Variants in ATP2B2 observed in about 807,000 individuals in gnomAD.
ATP2B2 encodes the protein ATPase plasma membrane Ca2+ transporting 2.
A neutral mutation model predicts 120.0 loss-of-function variants in ATP2B2; 15 were observed. The ratio of observed to expected loss-of-function variants is 0.12; its 90% confidence interval spans 0.08 to 0.19. The LOEUF (loss-of-function observed/expected upper bound fraction) is 0.19, where lower values mean the gene tolerates loss of function less well. Among genes scored for constraint, ATP2B2 ranks in the 10% least tolerant of loss-of-function variants. ATP2B2 has a pLI of 1.00. For missense variants in ATP2B2, 1,045 were observed against 1,719.8 expected (o/e 0.61, Z 6.94); for synonymous variants, 694 against 700.3 (o/e 0.99, Z 0.14).
At chr3:10,571,781 C>G (rs572007956) in intron 2 of ATP2B2, among the ~76,000 whole-genome samples, 1 of 152,342 alleles carries the variant, frequency 6.6e-6, no homozygotes, top group South Asian at 2.1e-4. Context: ...TCCCACTCAG[C>G]ACCCAGCAGT....
At chr3:10,410,035 C>G (rs532630909) in intron 3 of ATP2B2, among the ~76,000 whole-genome samples, 2 of 152,192 alleles carry the variant, frequency 1.3e-5, no homozygotes, top group Non-Finnish European at 2.9e-5. Context: ...TAGGATGGGG[C>G]CTGACAACGA....
chr3:10,568,787 G>A (rs912375415), intron 2 of ATP2B2, among the ~76,000 whole-genome samples: 23 of 152,128 alleles, frequency 1.5e-4, no homozygotes, highest in Non-Finnish European at 3.2e-4. Flanking sequence ...CTTTCTGTTT[G>A]CCTGGTTTCC....
intron 3 of ATP2B2, among the ~76,000 whole-genome samples, chr3:10,406,448 ATAT>A (rs1276351419): frequency 6.6e-6 from 1 of 152,216 alleles, no homozygotes; most frequent in African/African-American, 2.4e-5. Flanking sequence ...TGGTCTCATA[ATAT>A]TATAATACTG....
chr3:10,665,546 C>T (rs926747524), intron 1 of ATP2B2, among the ~76,000 whole-genome samples: 4 of 152,124 alleles, frequency 2.6e-5, no homozygotes, highest in Middle Eastern at 3.4e-3. Context: ...TGGTTTTGCC[C>T]GTTGTACCCC....
rs927511426 is a variant in ATP2B2, at chr3:10,326,862, G to A, written c.*1952C>T. ...CCCAGTTGACTATGGCTCTTTTCCCGAGTGGCTCTCATCTTGTTTGTGGAA... is the reference window on the plus strand; with the variant it reads ...CCCAGTTGACTATGGCTCTTTTCCCAAGTGGCTCTCATCTTGTTTGTGGAA... On this transcript the variant is annotated 3_prime_UTR_variant, in exon 23 of 23. Coordinates refer to ENST00000360273, the MANE Select transcript of ATP2B2 (RefSeq NM_001001331.4). 5.8e-5 allele frequency: 23 copies of A among 398,774 alleles called. No homozygotes were observed. The highest frequency in any genetic ancestry group is 6.2e-4 in the Middle Eastern group (1 of 1,610). The allele number at this position is 398,774 out of a possible 1,614,324, so 24.7% of individuals were successfully genotyped here. A position where few individuals can be genotyped will look rare whatever the true frequency, so the allele number is the denominator to read the frequency against.
At chr3:10,678,208 T>G (rs181860553) in intron 1 of ATP2B2, among the ~76,000 whole-genome samples, 1 of 152,244 alleles carries the variant, frequency 6.6e-6, no homozygotes, top group Admixed American at 6.5e-5. Flanking sequence ...AAAATGAATA[T>G]GTATTGCTTT....
chr3:10,510,145 G>A (rs896956877), upstream of ATP2B2, among the ~76,000 whole-genome samples: 4 of 152,126 alleles, frequency 2.6e-5, no homozygotes, highest in Non-Finnish European at 4.4e-5. Context: ...AGATTTGAAC[G>A]CAGGTCACCA....
At chr3:10,370,570 CG>C (rs1286844105) in intron 12 of ATP2B2, among the ~76,000 whole-genome samples, 1 of 152,234 alleles carries the variant, frequency 6.6e-6, no homozygotes, top group Non-Finnish European at 1.5e-5. Context: ...CAGGATGATG[CG>C]GGTGGCTGCT....
In ATP2B2 at chr3:10,342,822, C is replaced by T; in HGVS notation, c.2847G>A (p.Arg949=). The change falls in exon 19 of 23, where the codon AGG becomes AGA. Residue 949 remains arginine, a synonymous_variant. Coordinates refer to ENST00000360273, the MANE Select transcript of ATP2B2 (RefSeq NM_001001331.4). This position sits in a 1 kb window ranked among gnomAD's most constrained non-coding sequence, Gnocchi z 4.4. ...GGCCCAGGATGTTCTTCATCATGGTCCTGGAGATGAGCGGCTTGTTGCGGC... is the reference window on the plus strand; with the variant it reads ...GGCCCAGGATGTTCTTCATCATGGTTCTGGAGATGAGCGGCTTGTTGCGGC... The part of the protein sequence containing the change: ...PYGRNKPLIS[R]TMMKNILGHA... The T allele has an allele frequency of 1.2e-6, 2 of 1,613,958 alleles. No individual in the cohort carries two copies. Among genetic ancestry groups the T allele is most frequent in the Non-Finnish European group, 1.7e-6 (2 of 1,179,918 alleles).
At chr3:10,366,345 G>A (rs1046656720) in intron 12 of ATP2B2, among the ~76,000 whole-genome samples, 3 of 152,136 alleles carry the variant, frequency 2.0e-5, no homozygotes, top group Non-Finnish European at 2.9e-5. Context: ...TATTGGCCTC[G>A]TGGCCACCTC....
rs1223269059 is a variant in ATP2B2, at chr3:10,505,522, C to A, written c.-377G>T. On this transcript the variant is annotated 5_prime_UTR_variant, in exon 1 of 23. Transcript: ENST00000360273. ...GTTTCCCGGCGGGCAGCCCCGTAAT[C>A]GCGGTGCGGCAGCTGGTGCCGCGGC... The A allele has an allele frequency of 6.7e-6, 1 of 150,052 alleles. No individual in the cohort carries two copies. Among genetic ancestry groups the A allele is most frequent in the Non-Finnish European group, 1.5e-5 (1 of 67,580 alleles). 9.3% of individuals were successfully genotyped at this position (150,052 alleles called of 1,614,324 possible).
intron 2 of ATP2B2, among the ~76,000 whole-genome samples, chr3:10,448,175 G>A (rs2063905311): frequency 6.6e-6 from 1 of 152,210 alleles, no homozygotes; most frequent in African/African-American, 2.4e-5. Flanking sequence ...CAGTTCAGAT[G>A]CTGCCTGCCT....
chr3:10,435,995 T>A (rs2063468916), intron 2 of ATP2B2, among the ~76,000 whole-genome samples: 1 of 152,162 alleles, frequency 6.6e-6, no homozygotes, highest in Non-Finnish European at 1.5e-5. Context: ...CTGGGAAGAG[T>A]CTTGGTGACG....
intron 22 of ATP2B2, among the ~76,000 whole-genome samples, chr3:10,333,410 T>TTG (rs1363985767): frequency 1.3e-5 from 2 of 152,098 alleles, no homozygotes; most frequent in Non-Finnish European, 2.9e-5. Context: ...TGGCCACCTG[T>TTG]TTAAACCTCC....
At chr3:10,500,593 G>A (rs1440632864) in intron 1 of ATP2B2, among the ~76,000 whole-genome samples, 2 of 151,998 alleles carry the variant, frequency 1.3e-5, no homozygotes, top group African/African-American at 4.8e-5. Context: ...TGAAAGCAGA[G>A]ATGGGTGTGA....
chr3:10,336,805 A>G (rs1254824801), intron 22 of ATP2B2, among the ~76,000 whole-genome samples: 4 of 152,346 alleles, frequency 2.6e-5, no homozygotes, highest in Admixed American at 2.6e-4. Flanking sequence ...GTTATCTGTA[A>G]GTGGCAAAGC....
At chr3:10,661,122 C>T (rs2070767379) in intron 1 of ATP2B2, among the ~76,000 whole-genome samples, 1 of 152,130 alleles carries the variant, frequency 6.6e-6, no homozygotes, top group Admixed American at 6.5e-5. Flanking sequence ...CTGTTTAGGA[C>T]AAACCCTCAG....
chr3:10,343,400 C>T lies in ATP2B2; in HGVS notation c.2704-435G>A, dbSNP rs1309406812. Among the ~76,000 whole-genome samples the T allele has an allele frequency of 6.6e-6, 1 of 151,544 alleles. No individual in the cohort carries two copies. The highest frequency in any genetic ancestry group is 2.4e-5 in the African/African-American group (1 of 41,204). The stretch of plus-strand genomic sequence containing the variant: ...TATCCTACAAACAGTGCCCGTCCCC[C>T]ACCCCCCCAATGTCTCCTCCCCTCT... On this transcript the variant is annotated intron_variant, in intron 18 of 22. Coordinates refer to ENST00000360273, the MANE Select transcript of ATP2B2 (RefSeq NM_001001331.4). The surrounding 1 kb of genome is among the most constrained non-coding windows in gnomAD (Gnocchi z 4.2).
chr3:10,605,577 G>A (rs575489580), intron 2 of ATP2B2, among the ~76,000 whole-genome samples: 1 of 152,280 alleles, frequency 6.6e-6, no homozygotes, highest in South Asian at 2.1e-4. Flanking sequence ...CAGTTTGTGA[G>A]GCTGGAGCTG....
Sources: allele counts gnomAD v4.1 joint callset (sites outside exome capture counted in the v4.1 genomes callset), GRCh38; gene constraint gnomAD v4.1.1; non-coding constraint Gnocchi (gnomAD v3.1); transcripts MANE v1.5; gene names NCBI Gene and HGNC (gene_info 2026-07-23, HGNC 2026-07-21).